GRK5: variants seen among roughly 807,000 people sequenced by gnomAD.
The protein encoded by GRK5 is g protein-coupled receptor kinase GRK5.
Under a neutral mutation model 78.4 loss-of-function variants are expected in GRK5, and 40 were observed. The observed-to-expected ratio is 0.51, with a 90% CI of 0.40 to 0.66. GRK5 has a LOEUF of 0.66. GRK5 is among the 30% of genes least tolerant of loss of function. The probability of loss-of-function intolerance (pLI) is 0.00; values close to 1 mark genes in which losing one functional copy is unlikely to be tolerated. For missense variants in GRK5, 598 were observed against 759.9 expected, an observed-to-expected ratio of 0.79 and a Z score of 2.50; for synonymous variants, 289 against 296.8, an observed-to-expected ratio of 0.97 and a Z score of 0.27.
intron 1 of GRK5, among the ~76,000 whole-genome samples, chr10:119,216,467 G>A (rs17098547): frequency 0.013 from 2,048 of 152,238 alleles, 94 homozygotes; most frequent in Admixed American, 0.093. Context: ...TCTGTTTCCG[G>A]CATAGAGGTT....
At chr10:119,324,620 A>T (rs964321395) in intron 1 of GRK5, among the ~76,000 whole-genome samples, 1 of 151,608 alleles carries the variant, frequency 6.6e-6, no homozygotes, top group Non-Finnish European at 1.5e-5. Flanking sequence ...ACAGAGTGAG[A>T]CTCTGTCTCA....
intron 1 of GRK5, among the ~76,000 whole-genome samples, chr10:119,270,663 CCT>C (rs1849569587): frequency 6.6e-6 from 1 of 152,226 alleles, no homozygotes; most frequent in Non-Finnish European, 1.5e-5. Context: ...GGCCCACAGC[CCT>C]CTCTGCAGAA....
Position 119,253,383 on chromosome 10 carries a change from C to G in GRK5, c.52+45414C>G, listed in dbSNP as rs369660356. ...GATCTCCACAGCCCCCTGGATCCTGCCAGGCCTGTGGAGAAGAGGGACAAG... is the reference window on the plus strand; with the variant it reads ...GATCTCCACAGCCCCCTGGATCCTGGCAGGCCTGTGGAGAAGAGGGACAAG... On this transcript the variant is annotated intron_variant, in intron 1 of 15. Transcript: ENST00000392870. This position sits in a 1 kb window ranked among gnomAD's most constrained non-coding sequence, Gnocchi z 5.7. Among the ~76,000 whole-genome samples the G allele has an allele frequency of 1.2e-3, 185 of 152,312 alleles. 1 individual carries two copies. Among genetic ancestry groups the G allele is most frequent in the African/African-American group, 4.3e-3 (180 of 41,558 alleles).
Position 119,455,012 on chromosome 10 carries a change from T to C in GRK5, c.1718T>C (p.Phe573Ser). The change falls in exon 16 of 16, where the codon TTT becomes TCT. Residue 573 changes from phenylalanine to serine, a missense_variant. Coordinates refer to ENST00000392870, the MANE Select transcript of GRK5 (RefSeq NM_005308.3). ...AGTTCGCCCAGCTCCAAGACCAGTT[T>C]TAACCACCACATAAACTCAAACCAT... Reference protein sequence around the residue: ...SKSSPSSKTSFNHHINSNHVS... With the variant: ...SKSSPSSKTSSNHHINSNHVS... 6.2e-7 allele frequency: 1 copy of C among 1,614,180 alleles called. No individual in the cohort carries two copies.
chr10:119,423,856 G>A (rs1387119640), intron 5 of GRK5, among the ~76,000 whole-genome samples: 1 of 152,098 alleles, frequency 6.6e-6, no homozygotes, highest in Non-Finnish European at 1.5e-5. Flanking sequence ...CCAAAGCCAG[G>A]TTACCCCACA....
chr10:119,334,988 G>A (rs879617784), intron 2 of GRK5: 1 of 152,138 alleles, frequency 6.6e-6, no homozygotes, highest in Non-Finnish European at 1.5e-5. Flanking sequence ...GGCTGTGGGG[G>A]ATTCCTAGAG....
At chr10:119,394,963 C>T (rs973423363) in intron 3 of GRK5, among the ~76,000 whole-genome samples, 3 of 151,054 alleles carry the variant, frequency 2.0e-5, no homozygotes, top group Non-Finnish European at 4.4e-5. Flanking sequence ...ATTCATCTCT[C>T]GAGTCAAATC....
In GRK5 at chr10:119,238,270, G is replaced by A. The variant is rs963574609; in HGVS notation, c.52+30301G>A. Among the ~76,000 whole-genome samples, 2 of 152,118 alleles carry A rather than the reference G, an allele frequency of 1.3e-5. No homozygotes were observed. Among genetic ancestry groups the A allele is most frequent in the Non-Finnish European group, 2.9e-5 (2 of 68,014 alleles). On this transcript the variant is annotated intron_variant, in intron 1 of 15. Transcript: ENST00000392870. The surrounding 1 kb of genome is among the most constrained non-coding windows in gnomAD (Gnocchi z 4.7). ...TCAGTTTCCTGGGTGGAGGGTGGAC[G>A]GGAAGCGGGGGGCCTTCTGCTGAAG...
At chr10:119,338,584 G>A (rs1476401473) in intron 2 of GRK5, among the ~76,000 whole-genome samples, 6 of 151,924 alleles carry the variant, frequency 3.9e-5, no homozygotes, top group African/African-American at 1.5e-4. Context: ...TGCATATTTA[G>A]TGAGTGTCAG....
At chr10:119,394,013 G>T (rs1302102491) in intron 3 of GRK5, among the ~76,000 whole-genome samples, 1 of 148,510 alleles carries the variant, frequency 6.7e-6, no homozygotes, top group Admixed American at 6.7e-5. Flanking sequence ...GTCTGGGGGG[G>T]TGCGGGTGTG....
intron 4 of GRK5, 140 bp from the exon 5 acceptor site, chr10:119,423,026 C>T (rs1852601100): frequency 1.5e-6 from 1 of 687,866 alleles, no homozygotes; most frequent in East Asian, 2.5e-5. Context: ...GGCAGCAGGT[C>T]ACACACTGGG....
chr10:119,375,752 G>C (rs1023209327), intron 2 of GRK5, among the ~76,000 whole-genome samples: 1 of 152,164 alleles, frequency 6.6e-6, no homozygotes, highest in Non-Finnish European at 1.5e-5. Context: ...TGGGCATGCC[G>C]GGGAGGTGGG....
rs1174858411 is a variant in GRK5 at position 119,271,999 on chromosome 10, C to T, written c.53-54517C>T. ...GTCTCATGACTCTGCTGGGAAGAGC[C>T]TTCCTGCGGGCCCCCTTGAGCTAGG... On this transcript the variant is annotated intron_variant, in intron 1 of 15. Coordinates refer to ENST00000392870, the MANE Select transcript of GRK5 (RefSeq NM_005308.3). The surrounding 1 kb of genome is among the most constrained non-coding windows in gnomAD (Gnocchi z 4.1). Among the ~76,000 whole-genome samples, 2 of 152,208 alleles carry T rather than the reference C, an allele frequency of 1.3e-5. No homozygotes were observed. The highest frequency in any genetic ancestry group is 3.8e-4 in the East Asian group (2 of 5,200).
At chr10:119,374,736 A>AGGT (rs144405434) in intron 2 of GRK5, among the ~76,000 whole-genome samples, 1 of 150,768 alleles carries the variant, frequency 6.6e-6, no homozygotes, top group East Asian at 2.0e-4. Context: ...CCTAATGTTG[A>AGGT]GGTGGAGCCT....
intron 2 of GRK5, among the ~76,000 whole-genome samples, chr10:119,335,314 T>A (rs906775026): frequency 6.6e-6 from 1 of 152,044 alleles, no homozygotes; most frequent in South Asian, 2.1e-4. Flanking sequence ...ATATCAACCT[T>A]CTGAGTAGCT....
intron 1 of GRK5, among the ~76,000 whole-genome samples, chr10:119,323,013 G>A (rs1273320625): frequency 6.6e-6 from 1 of 152,240 alleles, no homozygotes; most frequent in Non-Finnish European, 1.5e-5. Context: ...CAACATGGGC[G>A]AAGCTCGAGG....
At chr10:119,392,136 G>A (rs1037627695) in intron 3 of GRK5, among the ~76,000 whole-genome samples, 7 of 152,206 alleles carry the variant, frequency 4.6e-5, no homozygotes, top group African/African-American at 1.7e-4. Flanking sequence ...TGCAATTAGG[G>A]CAGGCCAAGA....
intron 1 of GRK5, among the ~76,000 whole-genome samples, chr10:119,266,721 C>T (rs935222579): frequency 5.0e-5 from 6 of 120,646 alleles, no homozygotes; most frequent in Admixed American, 1.1e-4. Context: ...GCTGATTTCC[C>T]ACTAGGCTTG....
At chr10:119,311,914 ATTTTT>A (rs1554905357) in intron 1 of GRK5, among the ~76,000 whole-genome samples, 2 of 137,814 alleles carry the variant, frequency 1.5e-5, no homozygotes, top group Non-Finnish European at 1.5e-5. Flanking sequence ...TGAATTGTTC[ATTTTT>A]TTTTTTTTTT....
Sources: allele counts gnomAD v4.1 joint callset (sites outside exome capture counted in the v4.1 genomes callset), GRCh38; gene constraint gnomAD v4.1.1; non-coding constraint Gnocchi (gnomAD v3.1); transcripts MANE v1.5; gene names NCBI Gene and HGNC (gene_info 2026-07-23, HGNC 2026-07-21).